The following LZTS1 variants were observed in gnomAD, a reference collection of about 807,000 sequenced individuals.
LZTS1 encodes the protein leucine zipper putative tumor suppressor 1.
Under a neutral mutation model 45.8 loss-of-function variants are expected in LZTS1, and 31 were observed. The ratio of observed to expected loss-of-function variants is 0.68; its 90% CI spans 0.51 to 0.91. LZTS1 has a LOEUF of 0.91. Among genes scored for constraint, LZTS1 ranks in the 40% least tolerant of loss-of-function variants. LZTS1 has a pLI of 0.00. For synonymous variants in LZTS1, 359 were observed against 357.3 expected, an observed-to-expected ratio of 1.00 and a Z score of -0.05; for missense variants, 821 against 788.9, an observed-to-expected ratio of 1.04 and a Z score of -0.49.
intron 1 of LZTS1, among the ~76,000 whole-genome samples, chr8:20,282,823 G>T (rs1479274537): frequency 2.0e-5 from 3 of 152,140 alleles, no homozygotes; most frequent in Non-Finnish European, 4.4e-5. Flanking sequence ...AAAAATCACT[G>T]ATCTTTACAC....
At chr8:20,278,649 G>C (rs771392108) in intron 1 of LZTS1, among the ~76,000 whole-genome samples, 2 of 152,142 alleles carry the variant, frequency 1.3e-5, no homozygotes, top group Non-Finnish European at 2.9e-5. Flanking sequence ...TCTCTGAGGA[G>C]GCAAGAACTG....
At chr8:20,278,919 C>T (rs1443271368) in intron 1 of LZTS1, among the ~76,000 whole-genome samples, 1 of 152,194 alleles carries the variant, frequency 6.6e-6, no homozygotes, top group African/African-American at 2.4e-5. Context: ...GCAGTACATT[C>T]ATGACCCTTT....
intron 1 of LZTS1, among the ~76,000 whole-genome samples, chr8:20,276,093 C>G (rs1241273089): frequency 6.6e-6 from 1 of 151,942 alleles, no homozygotes; most frequent in Non-Finnish European, 1.5e-5. Flanking sequence ...GTTTAAGAGG[C>G]CTATAGGTTA....
At position 20,252,735 on chromosome 8, in the gene LZTS1, C is replaced by T. The variant is rs139731284; in HGVS notation, c.1149+47G>A. 167 of 1,464,308 alleles carry T rather than the reference C, an allele frequency of 1.1e-4. 2 individuals carry two copies. Among genetic ancestry groups the T allele is most frequent in the East Asian group, 9.2e-5 (4 of 43,306 alleles). 90.7% of individuals were successfully genotyped at this position (1,464,308 alleles called of 1,614,324 possible). ...CACCAGAAGGAGAGGGGGGTACTGG[C>T]GCCAAACCGCTGACCACCCAAACCC... On this transcript the variant is annotated intron_variant, in intron 3 of 3. Coordinates refer to ENST00000381569, the MANE Select transcript of LZTS1 (RefSeq NM_021020.5).
chr8:20,266,281 C>T (rs1046498729), intron 1 of LZTS1, among the ~76,000 whole-genome samples: 1 of 152,180 alleles, frequency 6.6e-6, no homozygotes, highest in African/African-American at 2.4e-5. Context: ...CCTGCCTTGG[C>T]CGCCCAAAGT....
At chr8:20,290,704 TG>T (rs1254034036) in intron 1 of LZTS1, among the ~76,000 whole-genome samples, 1 of 152,248 alleles carries the variant, frequency 6.6e-6, no homozygotes, top group Admixed American at 6.5e-5. Context: ...CCCCATAAAC[TG>T]AACTAAGAGA....
chr8:20,253,313 A>C lies in LZTS1; in HGVS notation c.618T>G (p.Phe206Leu). ...GGGTGATGTTGTGGGCGGAGCCCCC[A>C]AAACGGCTTGTGGGTCCCACGGGTG... is the stretch of plus-strand genomic sequence containing the variant. ...LVTPVGPTSR[F>L]GGSAHNITQG... Residue 206 changes from phenylalanine (F) to leucine (L), a missense_variant, in exon 3 of 4, where the codon TTT (phenylalanine) becomes TTG (leucine). Phe to Leu is a conservative substitution (Grantham distance 22). Transcript: ENST00000381569. The C allele has an allele frequency of 6.2e-7, 1 of 1,614,016 alleles. No homozygotes were observed. Among genetic ancestry groups the C allele is most frequent in the Non-Finnish European group, 8.5e-7 (1 of 1,180,036 alleles).
At position 20,303,955 on chromosome 8, in the gene LZTS1, G is replaced by C. The variant is rs955862699; in HGVS notation, c.-350C>G. ...CCAACCCGCCAGCTCCAGGCGCGCCGGCCTCTGCGCGGGTCCCGGAGCCGG... is the reference window on the plus strand; with the variant it reads ...CCAACCCGCCAGCTCCAGGCGCGCCCGCCTCTGCGCGGGTCCCGGAGCCGG... On this transcript the variant is annotated 5_prime_UTR_variant, in exon 1 of 4. Coordinates refer to ENST00000381569, the MANE Select transcript of LZTS1 (RefSeq NM_021020.5). 5.7e-5 allele frequency: 55 copies of C among 966,224 alleles called. No homozygotes were observed. Among genetic ancestry groups the C allele is most frequent in the Non-Finnish European group, 6.8e-5 (55 of 813,990 alleles). 59.9% of individuals were successfully genotyped at this position (966,224 alleles called of 1,614,324 possible). A position where few individuals can be genotyped will look rare whatever the true frequency, so the allele number is the denominator to read the frequency against.
chr8:20,265,961 A>G (rs1432260492), intron 1 of LZTS1, among the ~76,000 whole-genome samples: 6 of 152,254 alleles, frequency 3.9e-5, no homozygotes, highest in Admixed American at 3.3e-4. Flanking sequence ...AGATAGCACT[A>G]AAGCTTCTTT....
In LZTS1 at chr8:20,249,715, C is replaced by G; in HGVS notation, c.*7G>C. 1 of 1,590,696 alleles carries G rather than the reference C, an allele frequency of 6.3e-7. No homozygotes were observed. The highest frequency in any genetic ancestry group is 8.5e-7 in the Non-Finnish European group (1 of 1,169,846). On this transcript the variant is annotated 3_prime_UTR_variant, in exon 4 of 4. Coordinates refer to ENST00000381569, the MANE Select transcript of LZTS1 (RefSeq NM_021020.5). ...AGGTCCCCAGACTCGCCTTCCCAGG[C>G]AGCCCCTCAGATCTCAGTGGCTATG...
At position 20,250,024 on chromosome 8, in the gene LZTS1, C is replaced by T. The variant is rs141033196; in HGVS notation, c.1489G>A (p.Val497Ile). Reference sequence around the variant, plus strand: ...TCCAGCTCCCGCTGCAGGGCAGGGACGTCCTCGGGGAAGGTGGGCGGCCCC... The same window carrying T: ...TCCAGCTCCCGCTGCAGGGCAGGGATGTCCTCGGGGAAGGTGGGCGGCCCC... ...DMGPPTFPED[V>I]PALQRELERL... Residue 497 changes from valine to isoleucine, a missense_variant, in exon 4 of 4, where the codon GTC (valine) becomes ATC (isoleucine). Transcript: ENST00000381569. The T allele has an allele frequency of 3.4e-4, 542 of 1,611,508 alleles. 8 individuals are homozygous for T. Among genetic ancestry groups the T allele is most frequent in the South Asian group, 2.8e-3 (257 of 91,022 alleles).
At position 20,250,058 on chromosome 8, in the gene LZTS1, G is replaced by A. The variant is rs760960756; in HGVS notation, c.1455C>T (p.Ala485=). The A allele has an allele frequency of 1.9e-6, 3 of 1,607,646 alleles. No homozygotes were observed. Among genetic ancestry groups the A allele is most frequent in the Non-Finnish European group, 1.7e-6 (2 of 1,179,050 alleles). The change falls in exon 4 of 4, where the codon GCC becomes GCT. Residue 485 remains alanine (A), a synonymous_variant. Coordinates refer to ENST00000381569, the MANE Select transcript of LZTS1 (RefSeq NM_021020.5). ...GGAAGGTGGGCGGCCCCATGTCGCG[G>A]GCCAGGGCGGCCTGGGCCCGCAGCT... The part of the protein sequence containing the change: ...LQELRAQAAL[A]RDMGPPTFPE...
At chr8:20,291,558 T>G (rs1435182732) in intron 1 of LZTS1, among the ~76,000 whole-genome samples, 7 of 152,218 alleles carry the variant, frequency 4.6e-5, no homozygotes, top group African/African-American at 1.4e-4. Flanking sequence ...GCCAAGTGAC[T>G]TGCCTGATGT....
chr8:20,279,201 G>A (rs2128896998), intron 1 of LZTS1, among the ~76,000 whole-genome samples: 1 of 152,338 alleles, frequency 6.6e-6, no homozygotes, highest in Admixed American at 6.5e-5. Flanking sequence ...ATGGCAGACT[G>A]AAACTCTTAG....
chr8:20,299,192 G>C (rs1433206180), intron 1 of LZTS1, among the ~76,000 whole-genome samples: 1 of 152,176 alleles, frequency 6.6e-6, no homozygotes, highest in Non-Finnish European at 1.5e-5. Context: ...GTTCTTGGAA[G>C]AGAGAGCCCT....
chr8:20,271,537 G>C lies in LZTS1; in HGVS notation c.-134-16222C>G, dbSNP rs112475550. Reference sequence around the variant, plus strand: ...TCCGAAGAGCCACCTGTAGATGCTCGGGGTCACTCCCACTTTGCTTCTGAA... The same window carrying C: ...TCCGAAGAGCCACCTGTAGATGCTCCGGGTCACTCCCACTTTGCTTCTGAA... On this transcript the variant is annotated intron_variant, in intron 1 of 3. Coordinates refer to ENST00000381569, the MANE Select transcript of LZTS1 (RefSeq NM_021020.5). 2.0e-3 allele frequency among the ~76,000 whole-genome samples: 304 copies of C among 152,176 alleles called. 2 individuals carry two copies. The highest frequency in any genetic ancestry group is 6.5e-3 in the African/African-American group (268 of 41,528).
chr8:20,278,014 T>G (rs2128896831), intron 1 of LZTS1, among the ~76,000 whole-genome samples: 1 of 152,242 alleles, frequency 6.6e-6, no homozygotes, highest in East Asian at 1.9e-4. Flanking sequence ...TTACAGTAGG[T>G]AGTCGGGCAG....
intron 1 of LZTS1, among the ~76,000 whole-genome samples, chr8:20,299,842 T>C (rs1370173591): frequency 1.3e-5 from 2 of 152,156 alleles, no homozygotes; most frequent in Non-Finnish European, 2.9e-5. Flanking sequence ...AGCACAAAGA[T>C]CTATTCAACA....
intron 1 of LZTS1, among the ~76,000 whole-genome samples, chr8:20,265,720 C>T (rs985632223): frequency 7.3e-5 from 9 of 123,466 alleles, no homozygotes; most frequent in Non-Finnish European, 1.2e-4. Context: ...GAGAAAACAA[C>T]CCCTGAATCT....
Sources: gnomAD v4.1 joint callset for allele counts (sites outside exome capture counted in the v4.1 genomes callset) on GRCh38, gnomAD v4.1.1 for gene constraint, MANE v1.5 for transcripts, NCBI Gene and HGNC (gene_info 2026-07-23, HGNC 2026-07-21) for gene names.